ADK: variants seen among roughly 807,000 people sequenced by gnomAD.
The protein encoded by ADK is adenosine kinase, also known as N6,N6-dimethyladenosine kinase.
Under a neutral mutation model 44.7 loss-of-function variants are expected in ADK, and 24 were observed. That is an observed-to-expected ratio of 0.54 (90% CI 0.39 to 0.76). The LOEUF (loss-of-function observed/expected upper bound fraction) is 0.76. Among genes scored for constraint, ADK ranks in the 30% least tolerant of loss-of-function variants. The pLI is 0.00. For synonymous variants in ADK, 128 were observed against 142.6 expected, an observed-to-expected ratio of 0.90 and a Z score of 0.73; for missense variants, 321 against 425.1, an observed-to-expected ratio of 0.76 and a Z score of 2.15.
chr10:74,388,504 C>T (rs538520472), intron 4 of ADK, among the ~76,000 whole-genome samples: 1 of 152,104 alleles, frequency 6.6e-6, no homozygotes, highest in African/African-American at 2.4e-5. Context: ...CATAATATAG[C>T]TCTTCGTTTA....
chr10:74,496,105 G>A (rs1847674600), intron 6 of ADK, among the ~76,000 whole-genome samples: 1 of 152,100 alleles, frequency 6.6e-6, no homozygotes, highest in African/African-American at 2.4e-5. Flanking sequence ...TTTATATTTT[G>A]GCATCAGAAA....
chr10:74,509,196 A>ATTTTTT (rs11431842), intron 6 of ADK, among the ~76,000 whole-genome samples: 1 of 144,676 alleles, frequency 6.9e-6, no homozygotes, highest in African/African-American at 2.5e-5. Context: ...ATACATTATG[A>ATTTTTT]TTTTTTTTTT....
chr10:74,152,368 A>G (rs2132020548), intron 1 of ADK, among the ~76,000 whole-genome samples: 1 of 152,322 alleles, frequency 6.6e-6, no homozygotes, highest in South Asian at 2.1e-4. Context: ...TATACCAAGA[A>G]CATAAACTTT....
At chr10:74,208,192 G>T (rs1376551824) in intron 2 of ADK, among the ~76,000 whole-genome samples, 1 of 152,276 alleles carries the variant, frequency 6.6e-6, no homozygotes, top group Non-Finnish European at 1.5e-5. Context: ...GGGCCCCAGA[G>T]AGTGCAGGGA....
At chr10:74,250,841 CATG>C (rs1244615869) in intron 3 of ADK, among the ~76,000 whole-genome samples, 2 of 152,128 alleles carry the variant, frequency 1.3e-5, no homozygotes, top group African/African-American at 4.8e-5. Flanking sequence ...AGTGCAGTGA[CATG>C]ATCACAGCTC....
chr10:74,548,235 A>G (rs1175308967), intron 7 of ADK, among the ~76,000 whole-genome samples: 1 of 152,150 alleles, frequency 6.6e-6, no homozygotes, highest in East Asian at 1.9e-4. Context: ...TGCAAATACA[A>G]TTGGGAAATA....
At chr10:74,463,474 C>T (rs1223978003) in intron 6 of ADK, among the ~76,000 whole-genome samples, 4 of 152,050 alleles carry the variant, frequency 2.6e-5, no homozygotes, top group Non-Finnish European at 4.4e-5. Context: ...CAATAGGGTT[C>T]GCACTCTAAT....
intron 3 of ADK, among the ~76,000 whole-genome samples, chr10:74,274,328 G>A (rs12357643): frequency 0.13 from 19,491 of 152,086 alleles, 1,302 homozygotes; most frequent in Middle Eastern, 0.17. Context: ...TTGGGAGGCC[G>A]AGGTGGGTGG....
At position 74,598,440 on chromosome 10, in the gene ADK, C is replaced by CTTTTTTTTTTTTTTTTTTT. The variant is rs367982701; in HGVS notation, c.763-1939_763-1938insTTTTTTTTTTTTTTTTTTT. On this transcript the variant is annotated intron_variant, in intron 8 of 10. Transcript: ENST00000539909. ...TAGAAAGCAACCATGGAATCTTATTCCTTTTTTTTTTTTTTTTTTTTTTTT... is the reference window on the plus strand; with the variant it reads ...TAGAAAGCAACCATGGAATCTTATTCTTTTTTTTTTTTTTTTTTTCTTTTTTTTTTTTTTTTTTTTTTTT... Among the ~76,000 whole-genome samples, 8 of 114,072 alleles carry CTTTTTTTTTTTTTTTTTTT rather than the reference C, an allele frequency of 7.0e-5. 2 individuals are homozygous for CTTTTTTTTTTTTTTTTTTT. Among genetic ancestry groups the CTTTTTTTTTTTTTTTTTTT allele is most frequent in the African/African-American group, 2.0e-4 (5 of 24,958 alleles). 74.8% of individuals were successfully genotyped at this position (114,072 alleles called of 152,430 possible).
intron 3 of ADK, among the ~76,000 whole-genome samples, chr10:74,306,170 T>C (rs1840242699): frequency 6.6e-6 from 1 of 152,140 alleles, no homozygotes; most frequent in Non-Finnish European, 1.5e-5. Flanking sequence ...GTCCTGCAGA[T>C]TGGAAAATTT....
At chr10:74,430,584 A>C (rs1001268392) in intron 6 of ADK, among the ~76,000 whole-genome samples, 5 of 152,106 alleles carry the variant, frequency 3.3e-5, no homozygotes, top group African/African-American at 4.8e-5. Flanking sequence ...GCAAGACCCC[A>C]TCTCATTTTA....
chr10:74,258,241 A>G (rs1424380040), intron 3 of ADK, among the ~76,000 whole-genome samples: 2 of 152,178 alleles, frequency 1.3e-5, no homozygotes, highest in South Asian at 2.1e-4. Flanking sequence ...ATCACTTACT[A>G]TAGTAAATGA....
At chr10:74,274,660 G>A (rs1262280664) in intron 3 of ADK, among the ~76,000 whole-genome samples, 2 of 149,356 alleles carry the variant, frequency 1.3e-5, no homozygotes, top group Non-Finnish European at 3.0e-5. Flanking sequence ...ATATTGAGTA[G>A]GCTAAGGAGG....
intron 3 of ADK, among the ~76,000 whole-genome samples, chr10:74,313,376 G>A (rs1216515356): frequency 6.6e-6 from 1 of 151,628 alleles, no homozygotes; most frequent in East Asian, 1.9e-4. Flanking sequence ...TTTCCACATA[G>A]GAAAAAGGAT....
At chr10:74,208,957 G>A (rs965898599) in intron 2 of ADK, among the ~76,000 whole-genome samples, 1 of 151,994 alleles carries the variant, frequency 6.6e-6, no homozygotes, top group African/African-American at 2.4e-5. Flanking sequence ...GGGTGGTCTC[G>A]AACTCCTGAC....
At chr10:74,229,857 T>C (rs944405940) in intron 3 of ADK, among the ~76,000 whole-genome samples, 1 of 151,958 alleles carries the variant, frequency 6.6e-6, no homozygotes, top group South Asian at 2.1e-4. Flanking sequence ...GACAATATAG[T>C]GAGACTCTTG....
intron 6 of ADK, among the ~76,000 whole-genome samples, chr10:74,514,081 C>T (rs947617875): frequency 1.1e-4 from 17 of 152,068 alleles, no homozygotes; most frequent in Non-Finnish European, 2.4e-4. Context: ...CTTTGCTGGG[C>T]GTATTCTTGG....
chr10:74,314,288 A>C (rs551585883), intron 3 of ADK, among the ~76,000 whole-genome samples: 2 of 152,180 alleles, frequency 1.3e-5, no homozygotes, highest in African/African-American at 4.8e-5. Flanking sequence ...GAGGAGAAAT[A>C]CATGCTGATT....
chr10:74,492,784 C>T (rs1847534389), intron 6 of ADK, among the ~76,000 whole-genome samples: 1 of 152,062 alleles, frequency 6.6e-6, no homozygotes, highest in African/African-American at 2.4e-5. Flanking sequence ...ACCTATCCTT[C>T]ATGTACCATA....
Sources: gnomAD v4.1 joint callset for allele counts (sites outside exome capture counted in the v4.1 genomes callset) on GRCh38, gnomAD v4.1.1 for gene constraint, MANE v1.5 for transcripts, NCBI Gene and HGNC (gene_info 2026-07-23, HGNC 2026-07-21) for gene names.